Variants in CFAP95 observed in about 807,000 individuals in gnomAD.
CFAP95 encodes cilia and flagella associated protein 95.
chr9:69,832,836 C>A, the CFAP95 span, among the ~76,000 whole-genome samples: 3 of 151,690 alleles, frequency 2.0e-5, no homozygotes, highest in African/African-American at 7.3e-5. Flanking sequence ...CCAATGGTAT[C>A]CCTCCCTATT....
At chr9:69,890,123 T>C in the CFAP95 span, among the ~76,000 whole-genome samples, 1,539 of 152,252 alleles carry the variant, frequency 0.01, 26 homozygotes, top group African/African-American at 0.035. Flanking sequence ...ATTTTCTTAT[T>C]TACATGGGAT....
chr9:69,841,227 C>T, the CFAP95 span, among the ~76,000 whole-genome samples: 2 of 116,038 alleles, frequency 1.7e-5, no homozygotes, highest in African/African-American at 3.2e-5. Context: ...ATTTTGTAGG[C>T]CTCTAGAAGT....
the CFAP95 span, among the ~76,000 whole-genome samples, chr9:69,841,450 T>C: frequency 3.3e-5 from 5 of 151,904 alleles, no homozygotes; most frequent in Non-Finnish European, 5.9e-5. Flanking sequence ...ATAAGCCTGA[T>C]AGATTTGGGA....
chr9:69,865,903 C>T, the CFAP95 span, among the ~76,000 whole-genome samples: 10 of 152,026 alleles, frequency 6.6e-5, 1 homozygote, highest in Non-Finnish European at 1.5e-5. Context: ...CTCAGTACTC[C>T]CTACAAAAAC....
chr9:69,866,998 G>A, the CFAP95 span, among the ~76,000 whole-genome samples: 4 of 152,200 alleles, frequency 2.6e-5, no homozygotes, highest in African/African-American at 9.6e-5. Context: ...AATTAATTGC[G>A]GAGTCAACCT....
chr9:69,844,705 T>C, the CFAP95 span: 3 of 1,019,456 alleles, frequency 2.9e-6, no homozygotes, highest in East Asian at 4.9e-5. Context: ...GAGGAGTGTT[T>C]TGTGCAGCAC....
the CFAP95 span, among the ~76,000 whole-genome samples, chr9:69,858,520 T>C: frequency 6.6e-6 from 1 of 152,244 alleles, no homozygotes; most frequent in Admixed American, 6.5e-5. Context: ...AAGGTTGTGA[T>C]GTGCCTTTCA....
the CFAP95 span, among the ~76,000 whole-genome samples, chr9:69,826,282 G>A: frequency 6.6e-6 from 1 of 152,142 alleles, no homozygotes; most frequent in East Asian, 1.9e-4. Context: ...GATATCATGA[G>A]TGCACTTAAA....
chr9:69,881,473 T>C, the CFAP95 span, among the ~76,000 whole-genome samples: 1 of 152,210 alleles, frequency 6.6e-6, no homozygotes, highest in Non-Finnish European at 1.5e-5. Flanking sequence ...GAATTCACTG[T>C]AGGTGTGTGG....
At chr9:69,831,846 T>G in the CFAP95 span, among the ~76,000 whole-genome samples, 20 of 152,214 alleles carry the variant, frequency 1.3e-4, no homozygotes, top group Non-Finnish European at 2.6e-4. Context: ...TGGTATCTTG[T>G]GATGCAGAAT....
the CFAP95 span, among the ~76,000 whole-genome samples, chr9:69,884,086 G>A: frequency 6.6e-6 from 1 of 151,872 alleles, no homozygotes; most frequent in African/African-American, 2.4e-5. Flanking sequence ...TTGGTATGTT[G>A]TGTTTTCATT....
At chr9:69,843,942 T>C in the CFAP95 span, among the ~76,000 whole-genome samples, 1 of 152,040 alleles carries the variant, frequency 6.6e-6, no homozygotes, top group Non-Finnish European at 1.5e-5. Flanking sequence ...TGCCTCTTAT[T>C]ATTCTTAATC....
chr9:69,896,882 C>G, the CFAP95 span, among the ~76,000 whole-genome samples: 1 of 151,894 alleles, frequency 6.6e-6, no homozygotes. Context: ...CATCAAGACT[C>G]TGTCTCTGAA....
At chr9:69,839,862 G>T in the CFAP95 span, among the ~76,000 whole-genome samples, 1 of 151,318 alleles carries the variant, frequency 6.6e-6, no homozygotes, top group South Asian at 2.1e-4. Flanking sequence ...GATCACCGAA[G>T]GTCAGGAGTT....
chr9:69,844,556 A>G, the CFAP95 span: 2 of 1,612,848 alleles, frequency 1.2e-6, no homozygotes, highest in East Asian at 2.2e-5. Context: ...GTTATGATAT[A>G]GAGGGTCCTG....
At chr9:69,886,182 G>C in the CFAP95 span, among the ~76,000 whole-genome samples, 29 of 152,218 alleles carry the variant, frequency 1.9e-4, no homozygotes, top group African/African-American at 7.0e-4. Context: ...TGGTATTGCA[G>C]TGCTTGTGTT....
the CFAP95 span, among the ~76,000 whole-genome samples, chr9:69,902,926 T>C: frequency 6.6e-6 from 1 of 152,216 alleles, no homozygotes; most frequent in Non-Finnish European, 1.5e-5. Context: ...TTTTGACCCA[T>C]TTATTTCCTC....
the CFAP95 span, among the ~76,000 whole-genome samples, chr9:69,833,576 A>G: frequency 6.6e-6 from 1 of 152,086 alleles, no homozygotes; most frequent in East Asian, 1.9e-4. Context: ...AGCTGCGGGA[A>G]ATGTAACTTG....
At chr9:69,860,715 G>A in the CFAP95 span, among the ~76,000 whole-genome samples, 7 of 150,880 alleles carry the variant, frequency 4.6e-5, no homozygotes, top group African/African-American at 1.5e-4. Context: ...TATTCTGTAA[G>A]CTTTTTATTA....
Sources: gnomAD v4.1 joint callset for allele counts (sites outside exome capture counted in the v4.1 genomes callset) on GRCh38, gnomAD v4.1.1 for gene constraint, MANE v1.5 for transcripts, NCBI Gene and HGNC (gene_info 2026-07-23, HGNC 2026-07-21) for gene names.